The following TMEM117 variants were observed in gnomAD, a reference collection of about 807,000 sequenced individuals.
The protein encoded by TMEM117 is transmembrane protein 117.
TMEM117 carries 27 observed loss-of-function variants against 52.4 expected under a neutral mutation model. That is an observed-to-expected ratio of 0.51 (90% confidence interval 0.38 to 0.71). The LOEUF (loss-of-function observed/expected upper bound fraction) is 0.71. Ranked by LOEUF, TMEM117 falls within the 30% of genes least tolerant of loss-of-function variation. The pLI is 0.00. For missense variants in TMEM117, 556 were observed against 630.5 expected (o/e 0.88, Z 1.26); for synonymous variants, 215 against 206.3 (o/e 1.04, Z -0.36).
At chr12:44,395,713 A>G in the TMEM117 span, among the ~76,000 whole-genome samples, 11,689 of 152,236 alleles carry the variant, frequency 0.077, 794 homozygotes, top group African/African-American at 0.18. Flanking sequence ...AGGGTCTTAC[A>G]GTCTTCAGCA....
chr12:43,982,705 C>T (rs534594487), intron 3 of TMEM117, among the ~76,000 whole-genome samples: 6 of 152,276 alleles, frequency 3.9e-5, no homozygotes, highest in African/African-American at 9.6e-5. Flanking sequence ...ATTCCTCAGT[C>T]ACAATCTCTC....
At chr12:43,885,463 G>T (rs1350942947) in intron 2 of TMEM117, among the ~76,000 whole-genome samples, 4 of 62,842 alleles carry the variant, frequency 6.4e-5, no homozygotes, top group East Asian at 7.1e-4. Flanking sequence ...TCATGAGAAA[G>T]AACTTTTTTT....
At chr12:44,283,266 G>A (rs530928039) in intron 5 of TMEM117, among the ~76,000 whole-genome samples, 4 of 152,128 alleles carry the variant, frequency 2.6e-5, no homozygotes, top group East Asian at 1.9e-4. Context: ...GAGGGCCACC[G>A]TCCTTCAGAA....
At chr12:43,898,393 TATTAATA>T (rs1277093921) in intron 2 of TMEM117, among the ~76,000 whole-genome samples, 1 of 148,660 alleles carries the variant, frequency 6.7e-6, no homozygotes, top group Non-Finnish European at 1.5e-5. Flanking sequence ...ATTAATAATA[TATTAATA>T]ATTAATAATA....
At chr12:44,282,674 T>G (rs765447988) in intron 5 of TMEM117, among the ~76,000 whole-genome samples, 2 of 152,192 alleles carry the variant, frequency 1.3e-5, no homozygotes, top group Non-Finnish European at 2.9e-5. Flanking sequence ...CATAAAAGTT[T>G]GGAATATTTG....
chr12:43,973,200 C>T (rs943547186), intron 3 of TMEM117, among the ~76,000 whole-genome samples: 3 of 152,058 alleles, frequency 2.0e-5, no homozygotes, highest in African/African-American at 4.8e-5. Context: ...GTCTGTGACA[C>T]CTCCTTTGTT....
chr12:44,394,262 G>A (rs1204767113), downstream of TMEM117, among the ~76,000 whole-genome samples: 4 of 152,190 alleles, frequency 2.6e-5, no homozygotes, highest in Non-Finnish European at 5.9e-5. Flanking sequence ...GTTTCGAAGA[G>A]GACCAAAGAA....
Position 44,284,620 on chromosome 12 carries a change from G to T in TMEM117, c.609-14960G>T, listed in dbSNP as rs116519708. 1.7e-3 allele frequency among the ~76,000 whole-genome samples: 256 copies of T among 152,298 alleles called. 4 individuals carry two copies. In the East Asian group the frequency reaches 0.021, roughly 12 times the overall value. ...TGCACAGGCCTCTTTGCTTTGTAAA[G>T]AGGAATGTACCATTATTTGCAGTAG... On this transcript the variant is annotated intron_variant, in intron 5 of 7. Transcript: ENST00000266534.
intron 5 of TMEM117, among the ~76,000 whole-genome samples, chr12:44,260,695 CAA>C (rs1160871822): frequency 6.6e-6 from 1 of 152,112 alleles, no homozygotes; most frequent in Admixed American, 6.6e-5. Context: ...AAGGGAAAAA[CAA>C]ATATCTGTTT....
chr12:44,073,650 G>A (rs1947338250), intron 3 of TMEM117: 1 of 152,266 alleles, frequency 6.6e-6, no homozygotes, highest in Non-Finnish European at 1.5e-5. Flanking sequence ...GAGTGCTGTT[G>A]GAGGAAGTAC....
At position 43,844,744 on chromosome 12, in the gene TMEM117, G is replaced by A. The variant is rs774970961; in HGVS notation, c.93G>A (p.Ala31=). ...LVIFFNFLIF[A]EDPVSHSQTE... is the part of the protein sequence containing the mutation. ...TCTTCTTTAACTTCTTAATATTTGC[G>A]GAGGACCCAGTTTCTCATAGCCAAA... The change falls in exon 2 of 8, where the codon GCG becomes GCA. Residue 31 remains alanine (A), a synonymous_variant. Coordinates refer to ENST00000266534, the MANE Select transcript of TMEM117 (RefSeq NM_032256.3). The A allele has an allele frequency of 1.4e-5, 23 of 1,613,970 alleles. No homozygotes were observed. The highest frequency in any genetic ancestry group is 8.8e-5 in the South Asian group (8 of 91,088).
At chr12:44,062,255 A>G (rs190699266) in intron 3 of TMEM117, among the ~76,000 whole-genome samples, 4 of 152,320 alleles carry the variant, frequency 2.6e-5, no homozygotes, top group Non-Finnish European at 5.9e-5. Flanking sequence ...ATTAGAAGTA[A>G]ATAAAGTTGA....
chr12:44,348,761 A>G (rs1951524731), intron 6 of TMEM117, among the ~76,000 whole-genome samples: 2 of 151,956 alleles, frequency 1.3e-5, no homozygotes, highest in African/African-American at 4.8e-5. Flanking sequence ...AGTGATGGCA[A>G]GTAGGATCAA....
intron 3 of TMEM117, among the ~76,000 whole-genome samples, chr12:44,000,666 A>C (rs917819749): frequency 1.2e-4 from 19 of 152,196 alleles, no homozygotes; most frequent in African/African-American, 4.6e-4. Context: ...GCCCACCTCC[A>C]GAATGAAGCA....
chr12:44,329,790 A>G (rs914174226), intron 6 of TMEM117, among the ~76,000 whole-genome samples: 1 of 152,086 alleles, frequency 6.6e-6, no homozygotes, highest in African/African-American at 2.4e-5. Flanking sequence ...GGCTTACTTC[A>G]CTTAGCATAT....
intron 5 of TMEM117, chr12:44,248,881 C>T (rs1389346853): frequency 1.3e-5 from 2 of 154,920 alleles, no homozygotes; most frequent in African/African-American, 4.8e-5. Context: ...TTAACCAGAG[C>T]CAGAGTTTTG....
intron 4 of TMEM117, among the ~76,000 whole-genome samples, chr12:44,186,682 AC>A (rs1215522330): frequency 1.3e-5 from 2 of 152,160 alleles, no homozygotes; most frequent in African/African-American, 4.8e-5. Flanking sequence ...ATCCTGGAAG[AC>A]TAATTTTACT....
chr12:44,203,275 T>G (rs190632801), intron 4 of TMEM117, among the ~76,000 whole-genome samples: 1 of 152,340 alleles, frequency 6.6e-6, no homozygotes, highest in Admixed American at 6.5e-5. Context: ...TCTGTGAGGT[T>G]CTTCTGTATT....
intron 2 of TMEM117, among the ~76,000 whole-genome samples, chr12:43,878,972 G>C (rs149245517): frequency 1.3e-5 from 2 of 152,092 alleles, no homozygotes; most frequent in Non-Finnish European, 2.9e-5. Flanking sequence ...TACTTGATTA[G>C]CCAGTAATAC....
Sources: allele counts gnomAD v4.1 joint callset (sites outside exome capture counted in the v4.1 genomes callset), GRCh38; gene constraint gnomAD v4.1.1; transcripts MANE v1.5; gene names NCBI Gene and HGNC (gene_info 2026-07-23, HGNC 2026-07-21).